The following CNTN3 variants were observed in gnomAD, a reference collection of about 807,000 sequenced individuals.
CNTN3 encodes contactin 3, also known as contactin-3.
In CNTN3, 60 loss-of-function variants were observed where a neutral mutation model predicts 119.1. That is an observed-to-expected ratio of 0.50 (90% CI 0.41 to 0.62). CNTN3 has a LOEUF of 0.62. Among genes scored for constraint, CNTN3 ranks in the 20% least tolerant of loss-of-function variants. CNTN3 has a pLI of 0.00. For synonymous variants in CNTN3, 450 were observed against 438.7 expected, an observed-to-expected ratio of 1.03 and a Z score of -0.32; for missense variants, 1,101 against 1,242.4, an observed-to-expected ratio of 0.89 and a Z score of 1.71.
chr3:74,503,241 G>A (rs1703196724), intron 2 of CNTN3, among the ~76,000 whole-genome samples: 1 of 152,068 alleles, frequency 6.6e-6, no homozygotes, highest in Non-Finnish European at 1.5e-5. Context: ...TATGGTCAGA[G>A]GTGAAAATTA....
chr3:74,337,327 G>C (rs764549987), intron 11 of CNTN3, among the ~76,000 whole-genome samples: 7 of 152,034 alleles, frequency 4.6e-5, no homozygotes, highest in Non-Finnish European at 1.0e-4. Context: ...AGCACTATAA[G>C]AGAACCTGGA....
At chr3:74,272,299 T>C (rs1701793015) in intron 20 of CNTN3, among the ~76,000 whole-genome samples, 1 of 152,190 alleles carries the variant, frequency 6.6e-6, no homozygotes, top group African/African-American at 2.4e-5. Context: ...TTGGACAATC[T>C]TGGTCTAGAA....
chr3:74,585,992 A>G (rs1464888928), intron 1 of CNTN3, among the ~76,000 whole-genome samples: 3 of 152,146 alleles, frequency 2.0e-5, no homozygotes, highest in Admixed American at 6.6e-5. Context: ...TATCAAGTAG[A>G]ATACCAACCC....
At chr3:74,462,399 A>G (rs1171339929) in intron 4 of CNTN3, among the ~76,000 whole-genome samples, 1 of 152,088 alleles carries the variant, frequency 6.6e-6, no homozygotes, top group Non-Finnish European at 1.5e-5. Flanking sequence ...CTCAAATAAA[A>G]CTACTCCCTA....
intron 11 of CNTN3, 136 bp from the exon 12 acceptor site, chr3:74,336,794 G>T: frequency 2.2e-5 from 11 of 501,070 alleles, no homozygotes; most frequent in Non-Finnish European, 3.5e-5. Flanking sequence ...AGCTTTTTGG[G>T]AATACAAAAA....
intron 13 of CNTN3, among the ~76,000 whole-genome samples, chr3:74,317,236 C>A (rs1470557412): frequency 1.3e-5 from 2 of 150,010 alleles, no homozygotes; most frequent in African/African-American, 4.9e-5. Context: ...TGTGTCTCTG[C>A]ATGTGAGATG....
chr3:74,344,397 GTT>G (rs1156579949), intron 11 of CNTN3, among the ~76,000 whole-genome samples: 4 of 32,568 alleles, frequency 1.2e-4, no homozygotes, highest in African/African-American at 3.4e-4. Flanking sequence ...TTACACAGTG[GTT>G]TTTTTTTTTT....
At chr3:74,486,075 T>C (rs1157313809) in intron 4 of CNTN3, among the ~76,000 whole-genome samples, 2 of 138,866 alleles carry the variant, frequency 1.4e-5, no homozygotes, top group Admixed American at 7.1e-5. Flanking sequence ...GCAAGGACCA[T>C]CTCTGACAAT....
chr3:74,590,923 C>T (rs542958096), intron 1 of CNTN3, among the ~76,000 whole-genome samples: 1 of 151,996 alleles, frequency 6.6e-6, no homozygotes, highest in East Asian at 1.9e-4. Context: ...CACTGTGATG[C>T]TATAAATATA....
chr3:74,429,572 G>C (rs190739700), intron 4 of CNTN3, among the ~76,000 whole-genome samples: 2 of 152,238 alleles, frequency 1.3e-5, no homozygotes, highest in African/African-American at 2.4e-5. Flanking sequence ...GTGATGTAAG[G>C]ATAGGCAAAG....
At chr3:74,586,122 T>G (rs1157104295) in intron 1 of CNTN3, among the ~76,000 whole-genome samples, 1 of 152,120 alleles carries the variant, frequency 6.6e-6, no homozygotes, top group East Asian at 1.9e-4. Context: ...TATCCTTATC[T>G]TGGCTGGCAC....
At chr3:74,602,970 A>AGTGC (rs1248362704) in intron 1 of CNTN3, among the ~76,000 whole-genome samples, 1 of 152,136 alleles carries the variant, frequency 6.6e-6, no homozygotes, top group African/African-American at 2.4e-5. Flanking sequence ...TTTATTGAGG[A>AGTGC]GTGCTCTTGA....
At chr3:74,344,300 A>G (rs180773194) in intron 11 of CNTN3, among the ~76,000 whole-genome samples, 194 of 151,610 alleles carry the variant, frequency 1.3e-3, no homozygotes, top group African/African-American at 4.5e-3. Flanking sequence ...TTCTTGCAAG[A>G]TAGAATAGTT....
intron 4 of CNTN3, among the ~76,000 whole-genome samples, chr3:74,445,101 G>T (rs1322628620): frequency 1.3e-5 from 2 of 152,106 alleles, no homozygotes; most frequent in African/African-American, 2.4e-5. Context: ...CTGTCTTTCA[G>T]TATGATTGAT....
chr3:74,534,816 G>A (rs999678594), intron 1 of CNTN3, among the ~76,000 whole-genome samples: 2 of 151,646 alleles, frequency 1.3e-5, no homozygotes, highest in Non-Finnish European at 2.9e-5. Flanking sequence ...AAGTAATTGC[G>A]GTTTTTGCCA....
At chr3:74,535,131 C>T (rs1358229443) in intron 1 of CNTN3, among the ~76,000 whole-genome samples, 1 of 152,086 alleles carries the variant, frequency 6.6e-6, no homozygotes, top group Non-Finnish European at 1.5e-5. Context: ...TTTGTTTAAA[C>T]ACTTGTTCAG....
At chr3:74,418,694 T>C (rs569344332) in intron 5 of CNTN3, among the ~76,000 whole-genome samples, 30 of 152,196 alleles carry the variant, frequency 2.0e-4, no homozygotes, top group African/African-American at 6.5e-4. Context: ...GATTCATCTC[T>C]ATATTTTTTT....
chr3:74,385,731 T>C (rs1465430447), intron 5 of CNTN3, among the ~76,000 whole-genome samples: 1 of 152,212 alleles, frequency 6.6e-6, no homozygotes, highest in African/African-American at 2.4e-5. Context: ...AGGTAATCCA[T>C]ATGCATGCTG....
intron 4 of CNTN3, among the ~76,000 whole-genome samples, chr3:74,452,816 A>C (rs1236738726): frequency 6.6e-6 from 1 of 151,882 alleles, no homozygotes; most frequent in Non-Finnish European, 1.5e-5. Context: ...GCTGGATTAC[A>C]TTTACTGATT....
Sources: gnomAD v4.1 joint callset for allele counts (sites outside exome capture counted in the v4.1 genomes callset) on GRCh38, gnomAD v4.1.1 for gene constraint, MANE v1.5 for transcripts, NCBI Gene and HGNC (gene_info 2026-07-23, HGNC 2026-07-21) for gene names.